The following RXRG variants were observed in gnomAD, a reference collection of about 807,000 sequenced individuals.
The protein encoded by RXRG is retinoid X receptor gamma.
A neutral mutation model predicts 49.2 loss-of-function variants in RXRG; 19 were observed. The observed-to-expected ratio is 0.39, with a 90% CI of 0.27 to 0.57. The LOEUF (loss-of-function observed/expected upper bound fraction) is 0.57. Among genes scored for constraint, RXRG ranks in the 20% least tolerant of loss-of-function variants. The pLI is 0.64. For synonymous variants in RXRG, 224 were observed against 216.6 expected, an observed-to-expected ratio of 1.03 and a Z score of -0.30; for missense variants, 452 against 592.5, an observed-to-expected ratio of 0.76 and a Z score of 2.46.
chr1:165,441,728 G>T (rs1256834932), intron 1 of RXRG, among the ~76,000 whole-genome samples: 3 of 151,962 alleles, frequency 2.0e-5, no homozygotes, highest in Non-Finnish European at 2.9e-5. Context: ...ACAATTGGAT[G>T]GGGGGGATTA....
chr1:165,407,238 G>A (rs1469856239), intron 8 of RXRG, among the ~76,000 whole-genome samples: 1 of 152,198 alleles, frequency 6.6e-6, no homozygotes, highest in Non-Finnish European at 1.5e-5. Context: ...TATGTGCTGA[G>A]CATGGACTGA....
chr1:165,429,732 C>G (rs184307179), intron 1 of RXRG, among the ~76,000 whole-genome samples: 9 of 152,138 alleles, frequency 5.9e-5, no homozygotes, highest in Admixed American at 2.6e-4. Flanking sequence ...ACCAGACTGC[C>G]GAGACCATTT....
At chr1:165,443,214 C>T (rs967183418) in intron 1 of RXRG, among the ~76,000 whole-genome samples, 4 of 152,180 alleles carry the variant, frequency 2.6e-5, no homozygotes, top group Admixed American at 2.0e-4. Flanking sequence ...CTTTTATTCA[C>T]CCCAACTGTC....
intron 9 of RXRG, among the ~76,000 whole-genome samples, chr1:165,402,443 A>C (rs1053010976): frequency 1.0e-5 from 1 of 99,532 alleles, no homozygotes; most frequent in Admixed American, 9.1e-5. Flanking sequence ...TAAATTAGGA[A>C]AAGAGAAAAT....
chr1:165,429,081 C>T, intron 1 of RXRG, 115 bp from the exon 2 acceptor site: 1 of 1,136,358 alleles, frequency 8.8e-7, no homozygotes, highest in East Asian at 2.4e-5. Flanking sequence ...TTTAGCCACA[C>T]CTACACACCT....
rs138006480 is a variant in RXRG, at chr1:165,412,453, C to T, written c.623-1344G>A. On this transcript the variant is annotated intron_variant, in intron 4 of 9. Transcript: ENST00000359842. ...GTGAAAAGAGGGGAAAAAACCTGTG[C>T]CTTGGAGTCAAAGAAAACTTTTTCA... Among the ~76,000 whole-genome samples the T allele has an allele frequency of 3.9e-5, 6 of 152,188 alleles. No homozygotes were observed. The East Asian group carries it at 1.2e-3, about 29-fold the overall frequency.
chr1:165,416,461 CT>C (rs149828571), intron 4 of RXRG, among the ~76,000 whole-genome samples: 18,374 of 152,116 alleles, frequency 0.12, 1,219 homozygotes, highest in East Asian at 0.21. Context: ...AAGGTTAGGT[CT>C]GTCAAACCTG....
At position 165,428,589 on chromosome 1, in the gene RXRG, T is replaced by G. The variant is rs1658565992; in HGVS notation, c.297+130A>C. 21 of 1,097,880 alleles carry G rather than the reference T, an allele frequency of 1.9e-5. 1 individual carries two copies. In the South Asian group the frequency reaches 3.4e-4, roughly 18 times the overall value. The allele number at this position is 1,097,880 out of a possible 1,614,324, so 68.0% of individuals were successfully genotyped here. ...ATGAAGGCCCTGCCTGAGGGACGTC[T>G]GCAGAGACCATTCAAACCCTTTGGC... On this transcript the variant is annotated intron_variant, in intron 2 of 9. Coordinates refer to ENST00000359842, the MANE Select transcript of RXRG (RefSeq NM_006917.5).
intron 6 of RXRG, 25 bp from the exon 7 acceptor site, chr1:165,409,715 G>A (rs780458951): frequency 6.9e-7 from 1 of 1,458,142 alleles, no homozygotes; most frequent in East Asian, 2.6e-5. Flanking sequence ...AGGAGGTCTT[G>A]AGGGAAAACA....
intron 2 of RXRG, among the ~76,000 whole-genome samples, chr1:165,423,900 T>G (rs568336724): frequency 5.3e-5 from 8 of 152,330 alleles, no homozygotes; most frequent in African/African-American, 1.4e-4. Flanking sequence ...CAATTTTTAT[T>G]TATTTTCTAT....
At chr1:165,416,905 C>T in intron 4 of RXRG, 136 bp downstream of exon 4, 8 of 799,332 alleles carry the variant, frequency 1.0e-5, no homozygotes, top group African/African-American at 3.5e-5. Context: ...TCTTTAGAGC[C>T]CTGTGGGAAA....
chr1:165,437,114 C>G (rs1419478577), intron 1 of RXRG: 1 of 1,363,538 alleles, frequency 7.3e-7, no homozygotes, highest in Non-Finnish European at 9.8e-7. Flanking sequence ...GGGGAAGCAG[C>G]CTCCTGGAGG....
intron 1 of RXRG, among the ~76,000 whole-genome samples, chr1:165,430,700 T>A (rs1658647740): frequency 6.6e-6 from 1 of 152,230 alleles, no homozygotes. Context: ...GCAAAGTGGT[T>A]AAAATTAATA....
chr1:165,405,372 C>T (rs962048409), intron 9 of RXRG, among the ~76,000 whole-genome samples: 2 of 152,372 alleles, frequency 1.3e-5, no homozygotes, highest in Non-Finnish European at 2.9e-5. Flanking sequence ...CTCTCAATCT[C>T]ATCTATAGTG....
intron 9 of RXRG, among the ~76,000 whole-genome samples, 189 bp downstream of exon 9, chr1:165,406,623 T>C (rs1410558929): frequency 6.6e-6 from 1 of 152,026 alleles, no homozygotes; most frequent in Non-Finnish European, 1.5e-5. Context: ...GCTAGAGGAG[T>C]GAATGGTGAG....
At chr1:165,419,123 G>A (rs1658227519) in intron 3 of RXRG, among the ~76,000 whole-genome samples, 1 of 152,164 alleles carries the variant, frequency 6.6e-6, no homozygotes, top group Non-Finnish European at 1.5e-5. Context: ...AGGAAGAATG[G>A]AGAGGAAAGA....
chr1:165,403,968 G>C (rs1274211672), intron 9 of RXRG, among the ~76,000 whole-genome samples: 1 of 152,244 alleles, frequency 6.6e-6, no homozygotes, highest in Non-Finnish European at 1.5e-5. Flanking sequence ...GTGTGTGCAA[G>C]AGAGTGTGTG....
At position 165,410,759 on chromosome 1, in the gene RXRG, G is replaced by T; in HGVS notation, c.856C>A (p.Arg286Ser). 1 of 1,614,092 alleles carries T rather than the reference G, an allele frequency of 6.2e-7. No individual in the cohort carries two copies. The highest frequency in any genetic ancestry group is 1.1e-5 in the South Asian group (1 of 91,078). ...QLFTLVEWAK[R>S]IPHFSDLTLE... Reference sequence around the variant, plus strand: ...GTGAGGTCAGAGAAGTGGGGAATACGCTTGGCCCATTCAACGAGGGTGAAA... The same window carrying T: ...GTGAGGTCAGAGAAGTGGGGAATACTCTTGGCCCATTCAACGAGGGTGAAA... Residue 286 changes from arginine (R) to serine (S), a missense_variant, in exon 6 of 10, where the codon CGT becomes AGT. This residue lies in a region of RXRG where 286 missense variants were observed against 440.9 expected (regional missense o/e 0.65). Coordinates refer to ENST00000359842, the MANE Select transcript of RXRG (RefSeq NM_006917.5).
chr1:165,436,796 C>T (rs1363953596), intron 1 of RXRG: 1 of 473,930 alleles, frequency 2.1e-6, no homozygotes, highest in East Asian at 1.4e-4. Context: ...ACCTGGAGTT[C>T]CTTGGCCTCT....
Sources: allele counts gnomAD v4.1 joint callset (sites outside exome capture counted in the v4.1 genomes callset), GRCh38; gene constraint gnomAD v4.1.1; regional missense constraint gnomAD v4.1.1; transcripts MANE v1.5; gene names NCBI Gene and HGNC (gene_info 2026-07-23, HGNC 2026-07-21).